Variants in ANKS1A observed in about 807,000 individuals in gnomAD.
ANKS1A encodes the protein ankyrin repeat and sterile alpha motif domain containing 1A.
In ANKS1A, 55 loss-of-function variants were observed where a neutral mutation model predicts 120.3. That is an observed-to-expected ratio of 0.46 (90% CI 0.37 to 0.57). ANKS1A has a LOEUF of 0.57. Ranked by LOEUF, ANKS1A falls within the 20% of genes least tolerant of loss-of-function variation. ANKS1A has a pLI of 0.00. For synonymous variants in ANKS1A, 590 were observed against 604.7 expected (o/e 0.98, Z 0.36); for missense variants, 1,123 against 1,480.3 (o/e 0.76, Z 3.96).
rs1777797999 is a variant in ANKS1A at position 35,083,511 on chromosome 6, G to A, written c.2994+8G>A. Reference sequence around the variant, plus strand: ...ATCGATGCCTCCAACAAGGTGTGCTGCTTACAGGGACTCTTGGTGGGAGTG... The same window carrying A: ...ATCGATGCCTCCAACAAGGTGTGCTACTTACAGGGACTCTTGGTGGGAGTG... On this transcript the variant is annotated splice_region_variant and intron_variant, in intron 20 of 23. Coordinates refer to ENST00000360359, the MANE Select transcript of ANKS1A (RefSeq NM_015245.3). 1 of 1,613,636 alleles carries A rather than the reference G, an allele frequency of 6.2e-7. No homozygotes were observed. Among genetic ancestry groups the A allele is most frequent in the Non-Finnish European group, 8.5e-7 (1 of 1,179,574 alleles).
At chr6:34,924,068 C>T (rs1165118570) in intron 1 of ANKS1A, among the ~76,000 whole-genome samples, 2 of 149,990 alleles carry the variant, frequency 1.3e-5, no homozygotes, top group African/African-American at 4.9e-5. Context: ...TTGCACTTGA[C>T]ATAGAATAGA....
rs1175449491 is a variant in ANKS1A at position 35,057,635 on chromosome 6, C to T, written c.2078-2512C>T. 6.6e-6 allele frequency among the ~76,000 whole-genome samples: 1 copy of T among 152,176 alleles called. No homozygotes were observed. The highest frequency in any genetic ancestry group is 1.5e-5 in the Non-Finnish European group (1 of 68,014). ...CCCTGGTTTCCCCCTTGCCCTTGGC[C>T]ATCGCTGTCCTCCCCCAGAGTGTGA... is the stretch of plus-strand genomic sequence containing the variant. On this transcript the variant is annotated intron_variant, in intron 12 of 23. Transcript: ENST00000360359. This position sits in a 1 kb window ranked among gnomAD's most constrained non-coding sequence, Gnocchi z 4.1.
chr6:34,949,289 C>G (rs569773700), intron 1 of ANKS1A, among the ~76,000 whole-genome samples: 2 of 152,136 alleles, frequency 1.3e-5, no homozygotes, highest in African/African-American at 4.8e-5. Context: ...ATAGCTGACA[C>G]CCAAGGTATG....
rs548887218 is a variant in ANKS1A at position 34,889,314 on chromosome 6, G to T, written c.-89G>T. The T allele has an allele frequency of 8.2e-7, 1 of 1,224,300 alleles. No individual in the cohort carries two copies. The highest frequency in any genetic ancestry group is 1.0e-6 in the Non-Finnish European group (1 of 983,334). The allele number at this position is 1,224,300 out of a possible 1,614,324, so 75.8% of individuals were successfully genotyped here. On this transcript the variant is annotated 5_prime_UTR_variant, in exon 1 of 24. Transcript: ENST00000360359. The surrounding 1 kb of genome is among the most constrained non-coding windows in gnomAD (Gnocchi z 5.5). ...GTGGTGTCCCCAGCCGGTTTGGGGG[G>T]TGCGTTGCCCGGAGACGGAAAGTTT...
chr6:35,008,159 A>G (rs907432145), intron 10 of ANKS1A, among the ~76,000 whole-genome samples: 1 of 152,250 alleles, frequency 6.6e-6, no homozygotes, highest in African/African-American at 2.4e-5. Flanking sequence ...AAGGGAAAAC[A>G]TATCAATGAG....
At position 35,081,017 on chromosome 6, in the gene ANKS1A, G is replaced by A. The variant is rs143922452; in HGVS notation, c.2568G>A (p.Thr856=). The A allele has an allele frequency of 7.5e-5, 121 of 1,613,600 alleles. No homozygotes were observed. Among genetic ancestry groups the A allele is most frequent in the Non-Finnish European group, 9.8e-5 (116 of 1,179,736 alleles). The change falls in exon 17 of 24, where the codon ACG becomes ACA. Residue 856 remains threonine (T), a synonymous_variant. Transcript: ENST00000360359. ...QLRCQDLLSQ[T]SSPLSQNDSC... Reference sequence around the variant, plus strand: ...AGTGCCAAGATTTGCTCTCCCAGACGTCATCCCCACTGAGTCAGAATGATT... The same window carrying A: ...AGTGCCAAGATTTGCTCTCCCAGACATCATCCCCACTGAGTCAGAATGATT...
At position 35,090,337 on chromosome 6, in the gene ANKS1A, C is replaced by T. The variant is rs1287509497; in HGVS notation, c.*1728C>T. Reference sequence around the variant, plus strand: ...TCCAGAGTAGACTGCGCTGCCACTGCGCACATGCTGGTGCCCGTCTTCCTC... The same window carrying T: ...TCCAGAGTAGACTGCGCTGCCACTGTGCACATGCTGGTGCCCGTCTTCCTC... On this transcript the variant is annotated 3_prime_UTR_variant, in exon 24 of 24. Coordinates refer to ENST00000360359, the MANE Select transcript of ANKS1A (RefSeq NM_015245.3). 1 of 1,277,398 alleles carries T rather than the reference C, an allele frequency of 7.8e-7. No homozygotes were observed. The highest frequency in any genetic ancestry group is 1.0e-6 in the Non-Finnish European group (1 of 980,242). 79.1% of individuals were successfully genotyped at this position (1,277,398 alleles called of 1,614,324 possible). A position where few individuals can be genotyped will look rare whatever the true frequency, so the allele number is the denominator to read the frequency against.
chr6:34,916,479 A>C (rs778830704), intron 1 of ANKS1A, among the ~76,000 whole-genome samples: 1 of 152,222 alleles, frequency 6.6e-6, no homozygotes, highest in African/African-American at 2.4e-5. Context: ...CTGTAGAAGA[A>C]AAATTAGACA....
At chr6:35,049,452 A>G (rs991798523) in intron 11 of ANKS1A, among the ~76,000 whole-genome samples, 4 of 152,206 alleles carry the variant, frequency 2.6e-5, no homozygotes, top group Non-Finnish European at 5.9e-5. Context: ...ACCATAAAAC[A>G]GTTAATCAGG....
chr6:35,083,060 T>G (rs1581757653), intron 18 of ANKS1A, 95 bp from the exon 19 acceptor site: 1 of 1,464,938 alleles, frequency 6.8e-7, no homozygotes, highest in South Asian at 1.2e-5. Flanking sequence ...TTGAGAGGGG[T>G]AACTACTTGA....
chr6:34,985,419 A>C (rs767573176), intron 8 of ANKS1A, 141 bp downstream of exon 8: 351 of 756,814 alleles, frequency 4.6e-4, no homozygotes, highest in Non-Finnish European at 6.6e-4. Flanking sequence ...TCTCTTCTTC[A>C]TGGGGCTCTG....
rs193208797 is a variant in ANKS1A, at chr6:34,953,406, G to T, written c.198-13833G>T. 5.3e-5 allele frequency among the ~76,000 whole-genome samples: 8 copies of T among 152,302 alleles called. No homozygotes were observed. In the East Asian group the frequency reaches 1.5e-3, roughly 29 times the overall value. On this transcript the variant is annotated intron_variant, in intron 1 of 23. Transcript: ENST00000360359. ...ATTAAAAAGGCAAGATGGGATGGGG[G>T]TCTGGGAAAGAGGCAGAAAGGAGCT...
downstream of ANKS1A, among the ~76,000 whole-genome samples, chr6:35,092,309 A>C (rs537423245): frequency 4.4e-3 from 673 of 152,302 alleles, 6 homozygotes; most frequent in Middle Eastern, 0.027. Flanking sequence ...AGGGCCTTAA[A>C]AAAGAAAATT....
At chr6:34,973,027 G>T (rs952663562) in intron 3 of ANKS1A, among the ~76,000 whole-genome samples, 2 of 152,116 alleles carry the variant, frequency 1.3e-5, no homozygotes, top group African/African-American at 4.8e-5. Flanking sequence ...TGATTAAGTT[G>T]TACCTCCTGG....
intron 11 of ANKS1A, among the ~76,000 whole-genome samples, chr6:35,052,421 A>G (rs1776012364): frequency 6.6e-6 from 1 of 151,968 alleles, no homozygotes; most frequent in South Asian, 2.1e-4. Flanking sequence ...ACTGCACTCC[A>G]GCCTGGGCAA....
At chr6:35,023,454 A>G (rs904174694) in intron 11 of ANKS1A, 2 of 220,492 alleles carry the variant, frequency 9.1e-6, no homozygotes, top group East Asian at 1.5e-4. Context: ...TTAGATATTC[A>G]GGGTGCTGGG....
downstream of ANKS1A, among the ~76,000 whole-genome samples, chr6:35,096,301 T>C (rs750510672): frequency 6.6e-6 from 1 of 152,236 alleles, no homozygotes; most frequent in Non-Finnish European, 1.5e-5. Context: ...CCTCCTGGGA[T>C]GATAAAAGAC....
intron 11 of ANKS1A, among the ~76,000 whole-genome samples, chr6:35,035,870 T>C (rs1457173534): frequency 6.6e-6 from 1 of 152,214 alleles, no homozygotes; most frequent in Admixed American, 6.5e-5. Flanking sequence ...TACAGAGCCA[T>C]GTCCTCAGTG....
chr6:35,056,783 C>T (rs974054152), intron 12 of ANKS1A, among the ~76,000 whole-genome samples: 2 of 152,222 alleles, frequency 1.3e-5, no homozygotes, highest in East Asian at 3.9e-4. Context: ...TTCATCCACC[C>T]GGGCTGCAGA....
Sources: gnomAD v4.1 joint callset for allele counts (sites outside exome capture counted in the v4.1 genomes callset) on GRCh38, gnomAD v4.1.1 for gene constraint, Gnocchi (gnomAD v3.1) non-coding constraint, MANE v1.5 for transcripts, NCBI Gene and HGNC (gene_info 2026-07-23, HGNC 2026-07-21) for gene names.